The following DMRT1 variants were observed in gnomAD, a reference collection of about 807,000 sequenced individuals.
DMRT1 encodes doublesex- and mab-3-related transcription factor 1.
DMRT1 carries 7 observed loss-of-function variants against 32.3 expected under a neutral mutation model. The ratio of observed to expected loss-of-function variants is 0.22; its 90% CI spans 0.12 to 0.41. DMRT1 has a LOEUF of 0.41. Among genes scored for constraint, DMRT1 ranks in the 10% least tolerant of loss-of-function variants. The pLI is 1.00. For missense variants in DMRT1, 625 were observed against 500.5 expected (o/e 1.25, Z -2.37); for synonymous variants, 278 against 206.1 (o/e 1.35, Z -2.99).
chr9:852,411 T>C (rs899257333), intron 2 of DMRT1, among the ~76,000 whole-genome samples: 3 of 152,060 alleles, frequency 2.0e-5, no homozygotes, highest in East Asian at 3.8e-4. Context: ...TTTTTTTTTT[T>C]TCGAAAGTTA....
At chr9:895,088 A>C (rs887676534) in intron 3 of DMRT1, 1 of 152,254 alleles carries the variant, frequency 6.6e-6, no homozygotes, top group African/African-American at 2.4e-5. Context: ...GTGCTGGGAT[A>C]ACAGGCATGA....
intron 2 of DMRT1, among the ~76,000 whole-genome samples, chr9:877,208 T>G (rs1816540426): frequency 6.6e-6 from 1 of 152,260 alleles, no homozygotes; most frequent in Non-Finnish European, 1.5e-5. Flanking sequence ...TAGAATCACC[T>G]TCTTTTAATG....
chr9:919,555 A>T (rs1179400514), intron 4 of DMRT1, among the ~76,000 whole-genome samples: 1 of 152,094 alleles, frequency 6.6e-6, no homozygotes, highest in East Asian at 1.9e-4. Flanking sequence ...GGTCAGAGAG[A>T]TGGTGGAGTC....
chr9:899,450 C>T lies in DMRT1; in HGVS notation c.822+5255C>T, dbSNP rs114779560. Among the ~76,000 whole-genome samples, 792 of 152,310 alleles carry T rather than the reference C, an allele frequency of 5.2e-3. 6 individuals carry two copies. Among genetic ancestry groups the T allele is most frequent in the African/African-American group, 0.018 (757 of 41,552 alleles). On this transcript the variant is annotated intron_variant, in intron 3 of 4. Coordinates refer to ENST00000382276, the MANE Select transcript of DMRT1 (RefSeq NM_021951.3). Reference sequence around the variant, plus strand: ...TAAAAAATAGAGCAGTCTCCTAGCTCGGCATTCCAGAATCTTAAGGCTCTT... The same window carrying T: ...TAAAAAATAGAGCAGTCTCCTAGCTTGGCATTCCAGAATCTTAAGGCTCTT...
chr9:862,744 G>A (rs1815774803), intron 2 of DMRT1, among the ~76,000 whole-genome samples: 1 of 151,964 alleles, frequency 6.6e-6, no homozygotes, highest in South Asian at 2.1e-4. Flanking sequence ...TTTGGTGGGT[G>A]TTGTCAATGG....
intron 2 of DMRT1, among the ~76,000 whole-genome samples, chr9:848,666 G>T (rs1363145108): frequency 2.1e-5 from 3 of 146,122 alleles, no homozygotes; most frequent in Admixed American, 7.1e-5. Context: ...TGATTCTCCT[G>T]TCTTAGCCTC....
chr9:863,102 C>T (rs1469370647), intron 2 of DMRT1, among the ~76,000 whole-genome samples: 1 of 140,588 alleles, frequency 7.1e-6, no homozygotes, highest in African/African-American at 2.7e-5. Flanking sequence ...ATTGCTTAAG[C>T]TCAGGAGTTT....
intron 1 of DMRT1, 111 bp downstream of exon 1, chr9:842,303 T>C (rs1441327176): frequency 6.6e-6 from 9 of 1,363,650 alleles, no homozygotes; most frequent in Non-Finnish European, 7.8e-6. Flanking sequence ...GGCGCGATCT[T>C]GGCTCACTGC....
At chr9:860,444 A>C (rs146858688) in intron 2 of DMRT1, among the ~76,000 whole-genome samples, 73 of 152,260 alleles carry the variant, frequency 4.8e-4, no homozygotes, top group Non-Finnish European at 8.7e-4. Context: ...TCTGAGCAAG[A>C]TTTCCTCCCT....
At chr9:922,896 T>G (rs1818401295) in intron 4 of DMRT1, among the ~76,000 whole-genome samples, 1 of 152,226 alleles carries the variant, frequency 6.6e-6, no homozygotes, top group African/African-American at 2.4e-5. Flanking sequence ...TACCCAAAGG[T>G]CAGATGGCCA....
At chr9:956,904 C>T (rs902865560) in intron 4 of DMRT1, among the ~76,000 whole-genome samples, 4 of 152,298 alleles carry the variant, frequency 2.6e-5, no homozygotes, top group Admixed American at 6.5e-5. Flanking sequence ...AGTTTGGCTT[C>T]AGGTGGGCTG....
chr9:927,831 A>C (rs1043813155), intron 4 of DMRT1, among the ~76,000 whole-genome samples: 2 of 152,314 alleles, frequency 1.3e-5, no homozygotes, highest in South Asian at 4.1e-4. Flanking sequence ...TGATTTTGCT[A>C]TGTGTGAAGT....
chr9:842,228 T>TA, intron 1 of DMRT1, 36 bp downstream of exon 1: 1 of 1,485,396 alleles, frequency 6.7e-7, no homozygotes, highest in Non-Finnish European at 8.9e-7. Context: ...GGTTCAGCCT[T>TA]AGTTTTTTTT....
rs140506267 is a variant in DMRT1, at chr9:894,044, A to G, written c.671A>G (p.Asn224Ser). 1.7e-3 allele frequency: 2,820 copies of G among 1,614,232 alleles called. 25 individuals carry two copies. The highest frequency in any genetic ancestry group is 0.012 in the South Asian group (1,132 of 91,078). The part of the protein sequence containing the change: ...YQPSLFPYYN[N>S]LYNCPQYSMA... The stretch of plus-strand genomic sequence containing the variant: ...CCGTCTCTGTTTCCTTATTACAACA[A>G]TCTATACAACTGCCCGCAGTACTCC... The change falls in exon 3 of 5, where the codon AAT becomes AGT. Residue 224 changes from asparagine to serine, a missense_variant. By Grantham distance (46) the Asn-to-Ser change is conservative. This residue lies in a region of DMRT1 where 416 missense variants were observed against 321.6 expected (regional missense o/e 1.29). Coordinates refer to ENST00000382276, the MANE Select transcript of DMRT1 (RefSeq NM_021951.3).
intron 4 of DMRT1, among the ~76,000 whole-genome samples, chr9:954,830 C>T (rs1235883012): frequency 2.0e-5 from 3 of 151,914 alleles, no homozygotes; most frequent in African/African-American, 7.3e-5. Flanking sequence ...TTAGTAGAGA[C>T]AGGGTTTCAC....
At chr9:925,770 C>T (rs577899770) in intron 4 of DMRT1, among the ~76,000 whole-genome samples, 5 of 152,152 alleles carry the variant, frequency 3.3e-5, no homozygotes, top group African/African-American at 1.2e-4. Flanking sequence ...TGCTATTATC[C>T]CCATTTGACA....
chr9:921,176 C>G (rs1017390414), intron 4 of DMRT1, among the ~76,000 whole-genome samples: 2 of 152,098 alleles, frequency 1.3e-5, no homozygotes. Flanking sequence ...TCCTCCAGCC[C>G]CCTGGTAATC....
At chr9:897,184 C>T (rs917509794) in intron 3 of DMRT1, among the ~76,000 whole-genome samples, 1 of 151,642 alleles carries the variant, frequency 6.6e-6, no homozygotes, top group Non-Finnish European at 1.5e-5. Context: ...GCCATCTCGG[C>T]TCACTGCAAC....
chr9:859,971 C>T (rs1218816707), intron 2 of DMRT1, among the ~76,000 whole-genome samples: 2 of 152,142 alleles, frequency 1.3e-5, no homozygotes, highest in Non-Finnish European at 2.9e-5. Flanking sequence ...GTTAACTACC[C>T]GTTAACTCTA....
Sources: allele counts gnomAD v4.1 joint callset (sites outside exome capture counted in the v4.1 genomes callset), GRCh38; gene constraint gnomAD v4.1.1; regional missense constraint gnomAD v4.1.1; transcripts MANE v1.5; gene names NCBI Gene and HGNC (gene_info 2026-07-23, HGNC 2026-07-21).